The following CRACD variants were observed in gnomAD, a reference collection of about 807,000 sequenced individuals.
The protein encoded by CRACD is capping protein-inhibiting regulator of actin dynamics.
CRACD carries 56 observed loss-of-function variants against 106.8 expected under a neutral mutation model. That is an observed-to-expected ratio of 0.52 (90% CI 0.42 to 0.66). CRACD has a LOEUF of 0.66. Ranked by LOEUF, CRACD falls within the 30% of genes least tolerant of loss-of-function variation. The probability of loss-of-function intolerance (pLI) is 0.00; values close to 1 mark genes in which losing one functional copy is unlikely to be tolerated. For missense variants in CRACD, 1,730 were observed against 1,623.2 expected, an observed-to-expected ratio of 1.07 and a Z score of -1.13; for synonymous variants, 754 against 670.8, an observed-to-expected ratio of 1.12 and a Z score of -1.92.
chr4:56,110,069 G>T (rs893992706), intron 1 of CRACD, among the ~76,000 whole-genome samples: 2 of 152,138 alleles, frequency 1.3e-5, no homozygotes, highest in Non-Finnish European at 2.9e-5. Flanking sequence ...TTGGGATAAA[G>T]AGAAGATTGT....
intron 1 of CRACD, among the ~76,000 whole-genome samples, chr4:56,119,376 G>A (rs1229722622): frequency 6.6e-6 from 1 of 150,516 alleles, no homozygotes; most frequent in African/African-American, 2.4e-5. Context: ...TGTTGCCCAC[G>A]CTGGAGTGCA....
At chr4:56,319,811 T>C (rs1014973628) in intron 8 of CRACD, among the ~76,000 whole-genome samples, 1 of 152,228 alleles carries the variant, frequency 6.6e-6, no homozygotes, top group South Asian at 2.1e-4. Flanking sequence ...TGTAGACTTG[T>C]AGGGTGTTGA....
intron 1 of CRACD, among the ~76,000 whole-genome samples, chr4:56,109,666 G>C (rs1734055694): frequency 6.6e-6 from 1 of 151,822 alleles, no homozygotes. Context: ...TAAAATTTCT[G>C]CAAACTTTTT....
intron 8 of CRACD, 46 bp downstream of exon 8, chr4:56,316,735 A>C: frequency 1.9e-6 from 3 of 1,560,440 alleles, no homozygotes; most frequent in South Asian, 2.4e-5. Context: ...GAGGTGTCAG[A>C]GCCAGGGCAT....
At chr4:56,267,870 G>A (rs1035041301) in intron 2 of CRACD, among the ~76,000 whole-genome samples, 2 of 152,146 alleles carry the variant, frequency 1.3e-5, no homozygotes, top group African/African-American at 4.8e-5. Context: ...CTTCAAGTAG[G>A]CTAGCTCTAT....
At chr4:56,221,523 A>T (rs1345774823) in intron 2 of CRACD, among the ~76,000 whole-genome samples, 2 of 152,204 alleles carry the variant, frequency 1.3e-5, no homozygotes, top group East Asian at 3.8e-4. Context: ...ATTAAACTGA[A>T]GATTTTCTGC....
At chr4:56,278,247 A>T (rs1161672047) in intron 3 of CRACD, among the ~76,000 whole-genome samples, 1 of 152,198 alleles carries the variant, frequency 6.6e-6, no homozygotes. Flanking sequence ...CACACTTTCC[A>T]TTTAAAACAC....
chr4:56,050,589 C>G (rs1399220438), intron 1 of CRACD, among the ~76,000 whole-genome samples: 1 of 152,022 alleles, frequency 6.6e-6, no homozygotes, highest in Non-Finnish European at 1.5e-5. Context: ...AGAGAAGACT[C>G]CTTCACTACT....
intron 2 of CRACD, among the ~76,000 whole-genome samples, chr4:56,183,285 T>TAAAATAAAATAAAATAAAATAAAATA (rs1736931242): frequency 1.4e-5 from 2 of 143,556 alleles, no homozygotes; most frequent in African/African-American, 5.7e-5. Flanking sequence ...TAAAATAAAA[T>TAAAATAAAATAAAATAAAATAAAATA]AAAAAGAATT....
intron 2 of CRACD, among the ~76,000 whole-genome samples, chr4:56,183,285 T>TA (rs112792174): frequency 3.5e-5 from 5 of 143,626 alleles, no homozygotes; most frequent in African/African-American, 1.4e-4. Context: ...TAAAATAAAA[T>TA]AAAAAGAATT....
intron 3 of CRACD, among the ~76,000 whole-genome samples, chr4:56,275,296 G>A (rs1188960709): frequency 1.3e-5 from 2 of 152,186 alleles, no homozygotes; most frequent in Non-Finnish European, 1.5e-5. Context: ...AAAAAAATTA[G>A]GATAGAAACA....
chr4:56,313,393 G>A lies in CRACD; in HGVS notation c.537+14G>A, dbSNP rs1745284874. On this transcript the variant is annotated intron_variant, in intron 7 of 10. Coordinates refer to ENST00000682029, the MANE Select transcript of CRACD (RefSeq NM_001393381.1). The stretch of plus-strand genomic sequence containing the variant: ...CGCCTTGCCCAGGTGTGTAGAGCCT[G>A]CACGGGCTGACCAGGCAGGTGCCCT... 5 of 1,604,674 alleles carry A rather than the reference G, an allele frequency of 3.1e-6. No individual in the cohort carries two copies. The highest frequency in any genetic ancestry group is 1.1e-5 in the South Asian group (1 of 90,520).
intron 6 of CRACD, chr4:56,311,524 A>T (rs777756323): frequency 6.6e-6 from 1 of 152,246 alleles, no homozygotes; most frequent in Non-Finnish European, 1.5e-5. Flanking sequence ...AGGGGATGGA[A>T]ACAAATGTTT....
chr4:56,185,003 C>T (rs1011877355), intron 2 of CRACD, among the ~76,000 whole-genome samples: 3 of 152,190 alleles, frequency 2.0e-5, no homozygotes, highest in Non-Finnish European at 4.4e-5. Context: ...GTCGCCCAGG[C>T]TGGAGTGCAG....
chr4:56,261,743 G>A (rs1741718783), intron 2 of CRACD, among the ~76,000 whole-genome samples: 1 of 152,086 alleles, frequency 6.6e-6, no homozygotes, highest in Non-Finnish European at 1.5e-5. Context: ...AAAAAAACTA[G>A]AAAAACTAAA....
intron 2 of CRACD, among the ~76,000 whole-genome samples, chr4:56,240,358 G>C (rs545134185): frequency 6.6e-6 from 1 of 152,040 alleles, no homozygotes; most frequent in Non-Finnish European, 1.5e-5. Context: ...TTCCTTGGAG[G>C]AACAAATTAC....
Position 56,315,979 on chromosome 4 carries a change from A to G in CRACD, c.2477A>G (p.Asn826Ser), listed in dbSNP as rs755537194. Residue 826 changes from asparagine (N) to serine (S), a missense_variant, in exon 8 of 11, where the codon AAC becomes AGC. By Grantham distance (46) the Asn-to-Ser change is conservative. Coordinates refer to ENST00000682029, the MANE Select transcript of CRACD (RefSeq NM_001393381.1). This position sits in a 1 kb window ranked among gnomAD's most constrained non-coding sequence, Gnocchi z 4.1. Reference sequence around the variant, plus strand: ...ACCTCGTCGGACAGCGAGACTGCAAACGGGATAGCAAAGCCAGACCCTGTG... The same window carrying G: ...ACCTCGTCGGACAGCGAGACTGCAAGCGGGATAGCAAAGCCAGACCCTGTG... ...FTTSSDSETA[N>S]GIAKPDPVMP... 6.2e-7 allele frequency: 1 copy of G among 1,614,248 alleles called. No individual in the cohort carries two copies. The highest frequency in any genetic ancestry group is 1.1e-5 in the South Asian group (1 of 91,086).
chr4:56,161,856 T>C (rs1410063042), intron 1 of CRACD, among the ~76,000 whole-genome samples: 1 of 151,472 alleles, frequency 6.6e-6, no homozygotes, highest in Non-Finnish European at 1.5e-5. Context: ...CTCTGCCTCC[T>C]GGGTTTAAGT....
chr4:56,123,847 A>G (rs1213314163), intron 1 of CRACD, among the ~76,000 whole-genome samples: 2 of 152,228 alleles, frequency 1.3e-5, no homozygotes, highest in Non-Finnish European at 2.9e-5. Context: ...TTCTGAAATA[A>G]AACACTTATT....
Sources: allele counts gnomAD v4.1 joint callset (sites outside exome capture counted in the v4.1 genomes callset), GRCh38; gene constraint gnomAD v4.1.1; non-coding constraint Gnocchi (gnomAD v3.1); transcripts MANE v1.5; gene names NCBI Gene and HGNC (gene_info 2026-07-23, HGNC 2026-07-21).